ITPR1: variants seen among roughly 807,000 people sequenced by gnomAD.
ITPR1 encodes the protein inositol 1,4,5-trisphosphate-gated calcium channel ITPR1.
In ITPR1, 96 loss-of-function variants were observed where a neutral mutation model predicts 318.4. The ratio of observed to expected loss-of-function variants is 0.30; its 90% confidence interval spans 0.26 to 0.36. The LOEUF is 0.36. Ranked by LOEUF, ITPR1 falls within the 10% of genes least tolerant of loss-of-function variation. The pLI is 1.00. For synonymous variants in ITPR1, 1,312 were observed against 1,289.9 expected (o/e 1.02, Z -0.37); for missense variants, 2,440 against 3,460.2 (o/e 0.71, Z 7.40).
chr3:4,647,692 T>G (rs1226241341), intron 10 of ITPR1, among the ~76,000 whole-genome samples: 2 of 152,194 alleles, frequency 1.3e-5, no homozygotes, highest in Admixed American at 6.5e-5. Context: ...CCTGTTTGAT[T>G]TAGTAGGTGT....
intron 60 of ITPR1, among the ~76,000 whole-genome samples, chr3:4,834,396 T>G (rs1200533236): frequency 2.0e-5 from 3 of 152,178 alleles, no homozygotes; most frequent in Non-Finnish European, 4.4e-5. Flanking sequence ...TTTCTTCAAT[T>G]TGTTTTCCTC....
chr3:4,691,795 T>C (rs2094482968), intron 32 of ITPR1, among the ~76,000 whole-genome samples: 2 of 152,222 alleles, frequency 1.3e-5, no homozygotes, highest in Admixed American at 6.5e-5. Context: ...TGGTTTATTA[T>C]GAATTCACTT....
At chr3:4,649,223 T>C (rs1261341221) in intron 10 of ITPR1, among the ~76,000 whole-genome samples, 2 of 152,188 alleles carry the variant, frequency 1.3e-5, no homozygotes, top group East Asian at 1.9e-4. Context: ...CCTACTTCCA[T>C]TGAGCTGTTT....
At chr3:4,753,065 C>T (rs749179988) in intron 44 of ITPR1, among the ~76,000 whole-genome samples, 5 of 152,098 alleles carry the variant, frequency 3.3e-5, no homozygotes, top group Admixed American at 2.0e-4. Flanking sequence ...CCAACAGATG[C>T]GAAGAGAAGG....
intron 17 of ITPR1, among the ~76,000 whole-genome samples, chr3:4,665,832 AG>A (rs2093935001): frequency 6.6e-6 from 1 of 152,230 alleles, no homozygotes; most frequent in African/African-American, 2.4e-5. Context: ...TAAATGTCCT[AG>A]GAGCTCCAAA....
intron 16 of ITPR1, among the ~76,000 whole-genome samples, chr3:4,664,030 A>G: frequency 6.6e-6 from 1 of 152,206 alleles, no homozygotes; most frequent in East Asian, 1.9e-4. Context: ...CAATCATGTG[A>G]GAGTTTACCT....
At position 4,691,282 on chromosome 3, in the gene ITPR1, C is replaced by G; in HGVS notation, c.3967C>G (p.Gln1323Glu). 1 of 1,613,350 alleles carries G rather than the reference C, an allele frequency of 6.2e-7. No homozygotes were observed. The highest frequency in any genetic ancestry group is 1.1e-5 in the South Asian group (1 of 90,968). ...GRNVQYIKFL[Q>E]TIVKAEGKFI... ...GAATGTCCAGTATATAAAGTTCTTA[C>G]AGACAATTGTCAAGGCAGAAGGGAA... Residue 1323 changes from glutamine to glutamate, a missense_variant, in exon 32 of 62, where the codon CAG becomes GAG. Gln to Glu is a conservative substitution (Grantham distance 29). Around this residue, in one of 23 missense-constraint regions of ITPR1, gnomAD observed 222 missense variants for 318.8 expected, o/e 0.70. Transcript: ENST00000649015.
At chr3:4,791,928 C>T (rs765892672) in intron 52 of ITPR1, among the ~76,000 whole-genome samples, 2 of 152,302 alleles carry the variant, frequency 1.3e-5, no homozygotes, top group Non-Finnish European at 2.9e-5. Context: ...TTGAAGCTTA[C>T]AACAACATAC....
intron 55 of ITPR1, among the ~76,000 whole-genome samples, chr3:4,810,740 A>C (rs2048887131): frequency 6.6e-6 from 1 of 152,208 alleles, no homozygotes; most frequent in South Asian, 2.1e-4. Context: ...GGGATGAGGA[A>C]AGTGCCTAGC....
At chr3:4,584,758 C>G (rs1310551236) in intron 4 of ITPR1, among the ~76,000 whole-genome samples, 1 of 151,946 alleles carries the variant, frequency 6.6e-6, no homozygotes, top group Non-Finnish European at 1.5e-5. Flanking sequence ...CCTTCCAGCC[C>G]TGCCTGTCAC....
chr3:4,797,432 A>G lies in ITPR1; in HGVS notation c.6931+2245A>G, dbSNP rs149087462. On this transcript the variant is annotated intron_variant, in intron 53 of 61. Transcript: ENST00000649015. Reference sequence around the variant, plus strand: ...CATAATGTCCCTCTTGAATGTGTATAATGGCCGTATTATGTGTGCTGATTT... The same window carrying G: ...CATAATGTCCCTCTTGAATGTGTATGATGGCCGTATTATGTGTGCTGATTT... 2.5e-3 allele frequency among the ~76,000 whole-genome samples: 388 copies of G among 152,246 alleles called. 10 individuals carry two copies. The highest frequency in any genetic ancestry group is 0.021 in the Admixed American group (325 of 15,288).
intron 3 of ITPR1, among the ~76,000 whole-genome samples, chr3:4,517,305 C>T (rs184018803): frequency 9.9e-5 from 15 of 152,284 alleles, no homozygotes; most frequent in South Asian, 4.1e-4. Flanking sequence ...AAAATAGTTA[C>T]GAATGGTCTA....
intron 59 of ITPR1, 46 bp from the exon 60 acceptor site, chr3:4,818,036 C>T: frequency 2.0e-6 from 3 of 1,525,114 alleles, no homozygotes; most frequent in Middle Eastern, 1.7e-4. Context: ...TTTTTCTTTA[C>T]CAAGGCTGCT....
In ITPR1 at chr3:4,597,595, G is replaced by A. The variant is rs79832636; in HGVS notation, c.164-30168G>A. 7.4e-3 allele frequency among the ~76,000 whole-genome samples: 1,133 copies of A among 152,320 alleles called. 19 individuals carry two copies. The highest frequency in any genetic ancestry group is 0.025 in the African/African-American group (1,041 of 41,550). ...GGGAAAGGGGCATTTGGGCTCCTCT[G>A]TGAAAGAGATGAGGCAAGGGGGCAC... is the stretch of plus-strand genomic sequence containing the variant. On this transcript the variant is annotated intron_variant, in intron 4 of 61. Coordinates refer to ENST00000649015, the MANE Select transcript of ITPR1 (RefSeq NM_001378452.1).
chr3:4,729,640 A>G (rs1046211976), intron 42 of ITPR1, among the ~76,000 whole-genome samples: 1 of 152,174 alleles, frequency 6.6e-6, no homozygotes, highest in South Asian at 2.1e-4. Context: ...AGTTCAGTTC[A>G]TATCAGTGGA....
chr3:4,688,438 G>T, intron 30 of ITPR1, 57 bp from the exon 31 acceptor site: 1 of 1,604,858 alleles, frequency 6.2e-7, no homozygotes, highest in East Asian at 2.2e-5. Flanking sequence ...TTGGGTATAG[G>T]AGAAGCTGGT....
At chr3:4,553,587 C>T (rs558365044) in intron 4 of ITPR1, among the ~76,000 whole-genome samples, 124 of 147,960 alleles carry the variant, frequency 8.4e-4, no homozygotes, top group African/African-American at 1.5e-3. Flanking sequence ...CGTGCCACCA[C>T]GCCTGGATAA....
intron 44 of ITPR1, among the ~76,000 whole-genome samples, chr3:4,747,289 C>T (rs2044178989): frequency 1.3e-5 from 2 of 152,184 alleles, no homozygotes; most frequent in Non-Finnish European, 2.9e-5. Flanking sequence ...TGTTTTGATC[C>T]CTTTCTGCTA....
At chr3:4,664,658 A>G (rs540917244) in intron 16 of ITPR1, among the ~76,000 whole-genome samples, 3 of 152,378 alleles carry the variant, frequency 2.0e-5, no homozygotes, top group Non-Finnish European at 4.4e-5. Flanking sequence ...CTGAGAGGCA[A>G]AAAATAACTG....
Sources: gnomAD v4.1 joint callset for allele counts (sites outside exome capture counted in the v4.1 genomes callset) on GRCh38, gnomAD v4.1.1 for gene constraint, gnomAD v4.1.1 regional missense constraint, MANE v1.5 for transcripts, NCBI Gene and HGNC (gene_info 2026-07-23, HGNC 2026-07-21) for gene names.